Variants in ATG7 observed in about 807,000 individuals in gnomAD.
ATG7 encodes the protein ubiquitin-like modifier-activating enzyme ATG7.
A neutral mutation model predicts 82.4 loss-of-function variants in ATG7; 70 were observed. The observed-to-expected ratio is 0.85, with a 90% CI of 0.70 to 1.04. ATG7 has a LOEUF of 1.04. Ranked by LOEUF, ATG7 falls within the 50% of genes least tolerant of loss-of-function variation. The pLI, the probability that ATG7 is intolerant of heterozygous loss-of-function variation, is 0.00. For synonymous variants in ATG7, 287 were observed against 313.0 expected (o/e 0.92, Z 0.88); for missense variants, 792 against 864.3 (o/e 0.92, Z 1.05).
chr3:11,508,583 G>A (rs1393168780), intron 20 of ATG7, among the ~76,000 whole-genome samples: 1 of 152,114 alleles, frequency 6.6e-6, no homozygotes, highest in African/African-American at 2.4e-5. Context: ...AGCTTCCGAA[G>A]TAGCTGGTGT....
chr3:11,370,713 G>T (rs1370873538), intron 18 of ATG7, among the ~76,000 whole-genome samples: 3 of 151,062 alleles, frequency 2.0e-5, no homozygotes, highest in Non-Finnish European at 4.4e-5. Flanking sequence ...CACCAGGGGT[G>T]GGTGGCCCAG....
intron 20 of ATG7, among the ~76,000 whole-genome samples, chr3:11,522,890 C>T (rs988892141): frequency 3.3e-5 from 5 of 152,126 alleles, no homozygotes; most frequent in Non-Finnish European, 1.5e-5. Context: ...CTAGAACAAA[C>T]GTATCTGAGG....
In ATG7 at chr3:11,275,286, G is replaced by T. The variant is rs1424315158; in HGVS notation, c.-366+2856G>T. 2.0e-5 allele frequency among the ~76,000 whole-genome samples: 3 copies of T among 151,564 alleles called. No homozygotes were observed. In the South Asian group the frequency reaches 6.2e-4, roughly 32 times the overall value. Reference sequence around the variant, plus strand: ...TCTGATTTTATTTGGAATTCAGTTTGCCTCTGTCGTCCACTTCTACCCATG... The same window carrying T: ...TCTGATTTTATTTGGAATTCAGTTTTCCTCTGTCGTCCACTTCTACCCATG... On this transcript the variant is annotated intron_variant, in intron 1 of 20. Transcript: ENST00000693202.
chr3:11,341,062 G>A (rs1442545216), intron 12 of ATG7, among the ~76,000 whole-genome samples: 1 of 119,002 alleles, frequency 8.4e-6, no homozygotes, highest in Non-Finnish European at 1.8e-5. Flanking sequence ...CCACTCCCCC[G>A]CCCCGTCCCC....
chr3:11,566,396 G>A, the ATG7 span, among the ~76,000 whole-genome samples: 1 of 152,190 alleles, frequency 6.6e-6, no homozygotes, highest in African/African-American at 2.4e-5. Flanking sequence ...TCGACAATGA[G>A]ACAACTACCA....
At chr3:11,404,150 T>C (rs1209737891) in intron 19 of ATG7, among the ~76,000 whole-genome samples, 2 of 122,316 alleles carry the variant, frequency 1.6e-5, no homozygotes, top group Non-Finnish European at 3.2e-5. Context: ...TTTTTTTTTT[T>C]GCGGTAGAGT....
chr3:11,562,022 C>T (rs1253603097), downstream of ATG7, among the ~76,000 whole-genome samples: 2 of 151,844 alleles, frequency 1.3e-5, no homozygotes, highest in East Asian at 3.9e-4. Context: ...GTCAGCCTCC[C>T]GAGTAGCTGG....
chr3:11,300,918 G>A (rs932299593), intron 5 of ATG7, among the ~76,000 whole-genome samples: 21 of 152,260 alleles, frequency 1.4e-4, no homozygotes, highest in African/African-American at 4.3e-4. Context: ...CAGGTTAGAC[G>A]TATTAAATAG....
chr3:11,524,911 C>G (rs972279454), intron 20 of ATG7, among the ~76,000 whole-genome samples: 4 of 152,172 alleles, frequency 2.6e-5, no homozygotes, highest in African/African-American at 7.2e-5. Flanking sequence ...GACCCTAAAT[C>G]AGCAGCAGAT....
chr3:11,325,097 G>C (rs1314834238), intron 9 of ATG7, among the ~76,000 whole-genome samples: 1 of 152,170 alleles, frequency 6.6e-6, no homozygotes, highest in Non-Finnish European at 1.5e-5. Flanking sequence ...TCTAGCCTAG[G>C]AACAACAAGC....
intron 20 of ATG7, 40 bp from the exon 21 acceptor site, chr3:11,554,771 G>C (rs750890706): frequency 6.2e-7 from 1 of 1,611,334 alleles, no homozygotes; most frequent in East Asian, 2.2e-5. Context: ...CCACCGGGCA[G>C]TGGGACATCT....
intron 14 of ATG7, among the ~76,000 whole-genome samples, chr3:11,352,668 G>T (rs1040226558): frequency 6.6e-6 from 1 of 152,196 alleles, no homozygotes; most frequent in African/African-American, 2.4e-5. Context: ...ACAAGACATG[G>T]TTCTGCCCTC....
intron 1 of ATG7, among the ~76,000 whole-genome samples, chr3:11,276,108 T>G (rs979051015): frequency 5.9e-5 from 9 of 152,146 alleles, no homozygotes; most frequent in Admixed American, 5.9e-4. Context: ...CTCAGGCAGC[T>G]CTCTTGTCCA....
intron 20 of ATG7, among the ~76,000 whole-genome samples, chr3:11,427,835 TTG>T (rs2082508384): frequency 6.6e-6 from 1 of 151,982 alleles, no homozygotes; most frequent in South Asian, 2.1e-4. Context: ...AAAAAAATTA[TTG>T]TGTTTTTCCA....
chr3:11,342,421 T>TACACTTAAAAAGA, intron 13 of ATG7, 142 bp downstream of exon 13: 3 of 1,160,532 alleles, frequency 2.6e-6, no homozygotes, highest in East Asian at 2.5e-5. Flanking sequence ...TCTTATCTTT[T>TACACTTAAAAAGA]TAAGTGTAAA....
intron 20 of ATG7, among the ~76,000 whole-genome samples, chr3:11,526,875 A>C (rs893186624): frequency 7.2e-5 from 11 of 152,100 alleles, no homozygotes; most frequent in African/African-American, 2.7e-4. Flanking sequence ...TTTATTAAGG[A>C]AGTTCCCTTT....
chr3:11,511,686 A>G (rs2092067147), intron 20 of ATG7, among the ~76,000 whole-genome samples: 2 of 152,178 alleles, frequency 1.3e-5, no homozygotes, highest in Admixed American at 6.5e-5. Context: ...ACAGGAGCCC[A>G]TGGCGGGGGT....
intron 20 of ATG7, among the ~76,000 whole-genome samples, chr3:11,436,383 T>G (rs1162627466): frequency 2.6e-5 from 4 of 152,198 alleles, no homozygotes; most frequent in African/African-American, 9.7e-5. Context: ...TGTCAAATTC[T>G]GCAGCCACTT....
intron 3 of ATG7, among the ~76,000 whole-genome samples, chr3:11,295,939 C>T (rs139694731): frequency 1.8e-3 from 269 of 152,178 alleles, no homozygotes; most frequent in African/African-American, 6.1e-3. Flanking sequence ...CCACCACACC[C>T]AGCTAATTTT....
Sources: gnomAD v4.1 joint callset for allele counts (sites outside exome capture counted in the v4.1 genomes callset) on GRCh38, gnomAD v4.1.1 for gene constraint, MANE v1.5 for transcripts, NCBI Gene and HGNC (gene_info 2026-07-23, HGNC 2026-07-21) for gene names.